The following USH2A variants were observed in gnomAD, a reference collection of about 807,000 sequenced individuals.
USH2A encodes the protein Usher syndrome 2A (autosomal recessive, mild).
In USH2A, 443 loss-of-function variants were observed where a neutral mutation model predicts 538.9. The ratio of observed to expected loss-of-function variants is 0.82; its 90% CI spans 0.76 to 0.89. The LOEUF (loss-of-function observed/expected upper bound fraction) is 0.89. Ranked by LOEUF, USH2A falls within the 40% of genes least tolerant of loss-of-function variation. The pLI is 0.00. For missense variants in USH2A, 6,633 were observed against 6,324.8 expected, an observed-to-expected ratio of 1.05 and a Z score of -1.65; for synonymous variants, 2,413 against 2,273.5, an observed-to-expected ratio of 1.06 and a Z score of -1.75.
At chr1:215,790,584 C>T (rs961566136) in intron 50 of USH2A, among the ~76,000 whole-genome samples, 2 of 152,144 alleles carry the variant, frequency 1.3e-5, no homozygotes, top group Non-Finnish European at 2.9e-5. Flanking sequence ...AAACTGCCTG[C>T]GCATTTTGTG....
At chr1:216,306,581 C>T (rs1418638457) in intron 9 of USH2A, among the ~76,000 whole-genome samples, 1 of 152,050 alleles carries the variant, frequency 6.6e-6, no homozygotes, top group African/African-American at 2.4e-5. Flanking sequence ...AATAAAGAAC[C>T]TTGTTTTGTC....
At chr1:216,398,981 G>A (rs2039262654) in intron 3 of USH2A, among the ~76,000 whole-genome samples, 1 of 152,162 alleles carries the variant, frequency 6.6e-6, no homozygotes, top group South Asian at 2.1e-4. Flanking sequence ...TTCATCCCCT[G>A]TCTGAAAGGA....
intron 64 of USH2A, among the ~76,000 whole-genome samples, chr1:215,668,894 G>T (rs995900432): frequency 1.3e-5 from 2 of 152,194 alleles, no homozygotes; most frequent in Non-Finnish European, 2.9e-5. Flanking sequence ...CATTAGCCTG[G>T]TGTGGTGGTG....
intron 43 of USH2A, among the ~76,000 whole-genome samples, chr1:215,871,487 A>G (rs1046505065): frequency 6.6e-6 from 1 of 152,220 alleles, no homozygotes; most frequent in African/African-American, 2.4e-5. Flanking sequence ...CTACCTGTCC[A>G]ATAGAAAGAA....
At chr1:215,832,690 A>G (rs1161218521) in intron 47 of USH2A, among the ~76,000 whole-genome samples, 1 of 151,992 alleles carries the variant, frequency 6.6e-6, no homozygotes, top group Non-Finnish European at 1.5e-5. Flanking sequence ...AAAGATTGGG[A>G]ACAAGTCAAG....
chr1:215,754,784 AAC>A (rs1342412427), intron 58 of USH2A, among the ~76,000 whole-genome samples: 1 of 152,182 alleles, frequency 6.6e-6, no homozygotes, highest in Non-Finnish European at 1.5e-5. Context: ...ATTCAAGAGA[AAC>A]TGGCGGACTC....
At position 216,198,396 on chromosome 1, in the gene USH2A, T is replaced by C; in HGVS notation, c.4000A>G (p.Lys1334Glu). The change falls in exon 18 of 72, where the codon AAG (lysine) becomes GAG (glutamate). Residue 1334 changes from lysine to glutamate, a missense_variant. Lys to Glu is a moderately conservative substitution (Grantham distance 56, BLOSUM62 1). Transcript: ENST00000307340. ...TTITGLEPYT[K>E]YEFRVLAVNM... The stretch of plus-strand genomic sequence containing the variant: ...ACAGCTAAGACTCTGAACTCATACT[T>C]GGTGTATGGCTCCAAGCCAGTGATG... 1.2e-6 allele frequency: 2 copies of C among 1,613,982 alleles called. No individual in the cohort carries two copies. Among genetic ancestry groups the C allele is most frequent in the Non-Finnish European group, 1.7e-6 (2 of 1,179,948 alleles).
chr1:215,936,763 T>G (rs1666509588), intron 37 of USH2A, among the ~76,000 whole-genome samples: 1 of 152,060 alleles, frequency 6.6e-6, no homozygotes, highest in East Asian at 1.9e-4. Context: ...GTATTATTCA[T>G]CAAAATTCTA....
intron 41 of USH2A, among the ~76,000 whole-genome samples, chr1:215,884,429 C>T (rs1434100682): frequency 1.3e-5 from 2 of 152,100 alleles, no homozygotes; most frequent in East Asian, 3.9e-4. Context: ...AGAACATAGG[C>T]TCCAGAACCC....
At chr1:216,218,238 C>CT (rs1350124047) in intron 14 of USH2A, among the ~76,000 whole-genome samples, 3 of 152,088 alleles carry the variant, frequency 2.0e-5, no homozygotes, top group African/African-American at 7.2e-5. Flanking sequence ...TTTAGTGCAA[C>CT]TTAAATTTCT....
chr1:215,733,442 C>A (rs1660065101), intron 60 of USH2A, among the ~76,000 whole-genome samples: 1 of 152,172 alleles, frequency 6.6e-6, no homozygotes, highest in South Asian at 2.1e-4. Flanking sequence ...CCTCCCAAAT[C>A]TCATCTCTTT....
rs112415962 is a variant in USH2A, at chr1:216,130,226, T to C, written c.4628-33013A>G. On this transcript the variant is annotated intron_variant, in intron 21 of 71. Coordinates refer to ENST00000307340, the MANE Select transcript of USH2A (RefSeq NM_206933.4). ...TTGGTTACATGAGTAAGTTCTTTAG[T>C]GGTGATTTGTGAAATTTTGGTGCAC... Among the ~76,000 whole-genome samples the C allele has an allele frequency of 7.9e-3, 1,207 of 152,018 alleles. 12 individuals carry two copies. Among genetic ancestry groups the C allele is most frequent in the Non-Finnish European group, 0.012 (788 of 67,914 alleles).
chr1:215,816,013 A>T (rs1662849885), intron 48 of USH2A, among the ~76,000 whole-genome samples: 1 of 152,102 alleles, frequency 6.6e-6, no homozygotes, highest in African/African-American at 2.4e-5. Context: ...AATAAATATT[A>T]AAATAATAGA....
At chr1:215,711,196 G>A (rs1215800245) in intron 61 of USH2A, among the ~76,000 whole-genome samples, 5 of 152,106 alleles carry the variant, frequency 3.3e-5, no homozygotes, top group African/African-American at 7.2e-5. Context: ...TATAGATAAG[G>A]AGTATTTTAT....
chr1:216,391,959 T>C (rs1571773167), intron 3 of USH2A, among the ~76,000 whole-genome samples: 1 of 152,290 alleles, frequency 6.6e-6, no homozygotes, highest in South Asian at 2.1e-4. Context: ...TAAATCTCTC[T>C]ATGCCTCAGT....
At chr1:216,373,586 C>A (rs2038756833) in intron 3 of USH2A, among the ~76,000 whole-genome samples, 1 of 152,148 alleles carries the variant, frequency 6.6e-6, no homozygotes, top group African/African-American at 2.4e-5. Context: ...CCCCTGAATA[C>A]CGCAACGTGT....
At chr1:216,085,630 C>T (rs1489012521) in intron 24 of USH2A, among the ~76,000 whole-genome samples, 1 of 151,916 alleles carries the variant, frequency 6.6e-6, no homozygotes, top group Non-Finnish European at 1.5e-5. Context: ...GTGTCCTCTA[C>T]AGGAAGGGTA....
chr1:215,878,782 G>A lies in USH2A; in HGVS notation c.8540C>T (p.Pro2847Leu). Residue 2847 changes from proline (P) to leucine (L), a missense_variant, in exon 42 of 72, where the codon CCA becomes CTA. Coordinates refer to ENST00000307340, the MANE Select transcript of USH2A (RefSeq NM_206933.4). The stretch of plus-strand genomic sequence containing the variant: ...CTCTTACCTCAAATTAGGTCCATTT[G>A]GCTTGGATGGTGGTTGCCAAGAAAT... ...VVISWQPPSKPNGPNLRYELL... is the reference protein window; with the variant it reads ...VVISWQPPSKLNGPNLRYELL... 1 of 1,613,940 alleles carries A rather than the reference G, an allele frequency of 6.2e-7. No individual in the cohort carries two copies. Among genetic ancestry groups the A allele is most frequent in the East Asian group, 2.2e-5 (1 of 44,848 alleles).
intron 32 of USH2A, among the ~76,000 whole-genome samples, chr1:216,042,323 A>G (rs1167348884): frequency 1.3e-5 from 2 of 151,950 alleles, no homozygotes; most frequent in East Asian, 3.9e-4. Context: ...CATGTTTTAA[A>G]TTATCTTCTG....
Sources: gnomAD v4.1 joint callset for allele counts (sites outside exome capture counted in the v4.1 genomes callset) on GRCh38, gnomAD v4.1.1 for gene constraint, MANE v1.5 for transcripts, NCBI Gene and HGNC (gene_info 2026-07-23, HGNC 2026-07-21) for gene names.